The following ANKIB1 variants were observed in gnomAD, a reference collection of about 807,000 sequenced individuals.
ANKIB1 encodes ankyrin repeat and IBR domain containing 1.
ANKIB1 carries 43 observed loss-of-function variants against 122.1 expected under a neutral mutation model. That is an observed-to-expected ratio of 0.35 (90% CI 0.28 to 0.45). The LOEUF (loss-of-function observed/expected upper bound fraction) is 0.45, where lower values mean the gene tolerates loss of function less well. ANKIB1 is among the 20% of genes least tolerant of loss of function. The probability of loss-of-function intolerance (pLI) is 1.00; values close to 1 mark genes in which losing one functional copy is unlikely to be tolerated. For missense variants in ANKIB1, 992 were observed against 1,329.5 expected (o/e 0.75, Z 3.95); for synonymous variants, 390 against 442.0 (o/e 0.88, Z 1.48).
At chr7:92,279,184 G>A (rs1281781230) in intron 1 of ANKIB1, among the ~76,000 whole-genome samples, 1 of 152,204 alleles carries the variant, frequency 6.6e-6, no homozygotes, top group Non-Finnish European at 1.5e-5. Flanking sequence ...AACTCAGGGG[G>A]TAATGTTCAC....
chr7:92,264,738 T>A (rs1250938977), intron 1 of ANKIB1, among the ~76,000 whole-genome samples: 1 of 152,080 alleles, frequency 6.6e-6, no homozygotes, highest in South Asian at 2.1e-4. Flanking sequence ...ATTTATTAAG[T>A]TTTTTAATGT....
At chr7:92,351,190 AC>A in intron 8 of ANKIB1, 96 bp downstream of exon 8, 1 of 1,066,132 alleles carries the variant, frequency 9.4e-7, no homozygotes, top group Non-Finnish European at 1.2e-6. Context: ...ATTTTTGAAA[AC>A]AAAATAATGG....
chr7:92,383,900 G>T (rs1804576137), intron 11 of ANKIB1, among the ~76,000 whole-genome samples: 1 of 152,144 alleles, frequency 6.6e-6, no homozygotes, highest in South Asian at 2.1e-4. Context: ...GGGCAATCAG[G>T]CAAGAGAAAG....
At chr7:92,289,502 C>A (rs1434070944) in intron 1 of ANKIB1, among the ~76,000 whole-genome samples, 1 of 152,200 alleles carries the variant, frequency 6.6e-6, no homozygotes, top group Admixed American at 6.5e-5. Flanking sequence ...CACACTGCTC[C>A]TCACCATCAC....
At chr7:92,298,183 TC>T (rs1802393709) in intron 2 of ANKIB1, among the ~76,000 whole-genome samples, 1 of 152,094 alleles carries the variant, frequency 6.6e-6, no homozygotes, top group Non-Finnish European at 1.5e-5. Context: ...CCTAGTTTGT[TC>T]TCAATAGATT....
At chr7:92,314,593 G>C (rs558109684) in intron 3 of ANKIB1, among the ~76,000 whole-genome samples, 59 of 152,262 alleles carry the variant, frequency 3.9e-4, no homozygotes, top group Non-Finnish European at 7.9e-4. Context: ...ACCCTAGCTT[G>C]GGGCATAATT....
intron 1 of ANKIB1, among the ~76,000 whole-genome samples, chr7:92,262,883 G>A (rs1585076874): frequency 6.6e-6 from 1 of 152,092 alleles, no homozygotes; most frequent in Non-Finnish European, 1.5e-5. Context: ...AACAAACATT[G>A]TGTGTATTTT....
chr7:92,331,055 A>G (rs181680454), intron 5 of ANKIB1, among the ~76,000 whole-genome samples: 445 of 152,270 alleles, frequency 2.9e-3, no homozygotes, highest in Non-Finnish European at 5.0e-3. Flanking sequence ...GAGCTGGCAG[A>G]AAAGTAGAAG....
chr7:92,249,173 C>T (rs933982962), intron 1 of ANKIB1, among the ~76,000 whole-genome samples: 5 of 152,172 alleles, frequency 3.3e-5, no homozygotes, highest in African/African-American at 1.2e-4. Context: ...TGGGTGTCAG[C>T]CACTGCGCCT....
At chr7:92,311,074 T>A (rs770754567) in intron 3 of ANKIB1, among the ~76,000 whole-genome samples, 8 of 152,210 alleles carry the variant, frequency 5.3e-5, no homozygotes, top group Non-Finnish European at 1.2e-4. Flanking sequence ...AAACATTTCT[T>A]TGTATCATTG....
chr7:92,260,408 G>A (rs62467797), intron 1 of ANKIB1, among the ~76,000 whole-genome samples: 47,739 of 151,956 alleles, frequency 0.31, 7,793 homozygotes, highest in Non-Finnish European at 0.35. Context: ...GGGCTTGGCC[G>A]GTGGCTCACC....
intron 1 of ANKIB1, among the ~76,000 whole-genome samples, chr7:92,291,426 C>T (rs1437192233): frequency 6.6e-6 from 1 of 151,972 alleles, no homozygotes; most frequent in Non-Finnish European, 1.5e-5. Flanking sequence ...CATGTACTCC[C>T]TAAATATATA....
chr7:92,271,141 T>C (rs1268486780), intron 1 of ANKIB1, among the ~76,000 whole-genome samples: 1 of 152,176 alleles, frequency 6.6e-6, no homozygotes, highest in East Asian at 1.9e-4. Context: ...GTATAAGTTG[T>C]CCTTGTATCT....
At chr7:92,385,531 C>T (rs936495937) in intron 11 of ANKIB1, among the ~76,000 whole-genome samples, 1 of 152,158 alleles carries the variant, frequency 6.6e-6, no homozygotes, top group Non-Finnish European at 1.5e-5. Flanking sequence ...TACATATACA[C>T]CATGGAATAC....
chr7:92,270,177 C>G (rs977226517), intron 1 of ANKIB1, among the ~76,000 whole-genome samples: 1 of 152,120 alleles, frequency 6.6e-6, no homozygotes, highest in African/African-American at 2.4e-5. Flanking sequence ...ATCCTCCCAC[C>G]ACAGCCACCC....
chr7:92,354,506 T>C (rs1482103566), intron 9 of ANKIB1, among the ~76,000 whole-genome samples: 1 of 152,174 alleles, frequency 6.6e-6, no homozygotes, highest in Non-Finnish European at 1.5e-5. Context: ...TTTTTGGACA[T>C]AGCACCAGAG....
intron 11 of ANKIB1, among the ~76,000 whole-genome samples, chr7:92,376,154 C>T (rs1804374295): frequency 1.3e-5 from 2 of 152,140 alleles, no homozygotes; most frequent in African/African-American, 4.8e-5. Flanking sequence ...CTTAAACACC[C>T]TATGATTTTC....
At chr7:92,251,755 C>T (rs1317323942) in intron 1 of ANKIB1, among the ~76,000 whole-genome samples, 1 of 152,208 alleles carries the variant, frequency 6.6e-6, no homozygotes, top group Admixed American at 6.5e-5. Context: ...AATAGGCACT[C>T]TCTTATACAG....
intron 1 of ANKIB1, among the ~76,000 whole-genome samples, chr7:92,271,457 A>G (rs1378592688): frequency 1.3e-5 from 2 of 152,102 alleles, no homozygotes; most frequent in Admixed American, 1.3e-4. Flanking sequence ...TTGCCTTTCC[A>G]TACAAATTTT....
Sources: allele counts gnomAD v4.1 joint callset (sites outside exome capture counted in the v4.1 genomes callset), GRCh38; gene constraint gnomAD v4.1.1; transcripts MANE v1.5; gene names NCBI Gene and HGNC (gene_info 2026-07-23, HGNC 2026-07-21).